The following SPINK2 variants were observed in gnomAD, a reference collection of about 807,000 sequenced individuals.
SPINK2 encodes the protein serine peptidase inhibitor Kazal type 2.
Under a neutral mutation model 13.5 loss-of-function variants are expected in SPINK2, and 8 were observed. That is an observed-to-expected ratio of 0.59 (90% confidence interval 0.35 to 1.07). The LOEUF is 1.07. SPINK2 is among the 50% of genes least tolerant of loss of function. SPINK2 has a pLI of 0.02. For missense variants in SPINK2, 148 were observed against 180.3 expected (o/e 0.82, Z 1.03); for synonymous variants, 76 against 74.7 (o/e 1.02, Z -0.09).
rs1716851203 is a variant in SPINK2 at position 56,810,065 on chromosome 4, A to C, written c.*74T>G. 8 of 1,543,032 alleles carry C rather than the reference A, an allele frequency of 5.2e-6. No homozygotes were observed. The highest frequency in any genetic ancestry group is 2.5e-5 in the South Asian group (2 of 81,004). ...ATGTAAAGAAACACAGGAAAAGAGA[A>C]AAAGGGGAAATGCAATTTATCTAGT... is the stretch of plus-strand genomic sequence containing the variant. On this transcript the variant is annotated 3_prime_UTR_variant, in exon 4 of 4. Coordinates refer to ENST00000506738, the MANE Select transcript of SPINK2 (RefSeq NM_001271718.2).
At chr4:56,813,317 G>A (rs1239854122) in intron 2 of SPINK2, among the ~76,000 whole-genome samples, 1 of 152,032 alleles carries the variant, frequency 6.6e-6, no homozygotes, top group Non-Finnish European at 1.5e-5. Flanking sequence ...CAGCGAAACT[G>A]TCTCAAAAAA....
intron 2 of SPINK2, chr4:56,818,303 C>CA (rs916256882): frequency 2.6e-5 from 4 of 152,172 alleles, no homozygotes; most frequent in African/African-American, 7.2e-5. Flanking sequence ...CACCACTGCA[C>CA]AAAAACCAGC....
intron 2 of SPINK2, among the ~76,000 whole-genome samples, chr4:56,814,122 C>T (rs1207191922): frequency 6.6e-6 from 1 of 151,474 alleles, no homozygotes; most frequent in South Asian, 2.1e-4. Flanking sequence ...CCGGCTTTCA[C>T]CATGTTGGCC....
chr4:56,815,791 CACACACAA>C lies in SPINK2; in HGVS notation c.250-4005_250-3998del, dbSNP rs1256954957. ...ACACACACACACACACACACACACA[CACACACAA>C]AACTATTATTACTAATAAACAAGGC... On this transcript the variant is annotated intron_variant, in intron 2 of 3. Coordinates refer to ENST00000506738, the MANE Select transcript of SPINK2 (RefSeq NM_001271718.2). Among the ~76,000 whole-genome samples the C allele has an allele frequency of 4.2e-3, 623 of 147,984 alleles. 9 individuals are homozygous for C. Among genetic ancestry groups the C allele is most frequent in the African/African-American group, 0.014 (579 of 40,732 alleles).
At chr4:56,814,977 A>C (rs913554758) in intron 2 of SPINK2, among the ~76,000 whole-genome samples, 12 of 150,378 alleles carry the variant, frequency 8.0e-5, no homozygotes, top group Non-Finnish European at 1.6e-4. Flanking sequence ...AAAAAAAAAA[A>C]AAAAAACAAA....
At chr4:56,814,379 G>A (rs969806046) in intron 2 of SPINK2, among the ~76,000 whole-genome samples, 1 of 151,958 alleles carries the variant, frequency 6.6e-6, no homozygotes, top group African/African-American at 2.4e-5. Context: ...TTTCCTGAAA[G>A]GTTCTTATAC....
rs967877057 is a variant in SPINK2, at chr4:56,820,675, T to G, written c.206-96A>C. The stretch of plus-strand genomic sequence containing the variant: ...TTTTTTAAATGAAGTCTTGCTATGT[T>G]GCCCAGGCTGGTCTTGACCTCCCGG... On this transcript the variant is annotated intron_variant, in intron 1 of 3. Coordinates refer to ENST00000506738, the MANE Select transcript of SPINK2 (RefSeq NM_001271718.2). The G allele has an allele frequency of 3.7e-6, 4 of 1,088,826 alleles. No homozygotes were observed. The African/African-American group carries it at 6.4e-5, about 17-fold the overall frequency. 67.4% of individuals were successfully genotyped at this position (1,088,826 alleles called of 1,614,324 possible).
rs115163565 is a variant in SPINK2, at chr4:56,821,685, T to A, written c.-23A>T. On this transcript the variant is annotated 5_prime_UTR_variant, in exon 1 of 4. Transcript: ENST00000506738. ...CATCCTCCTCCCGCGCCGGCTGTCT[T>A]GCCCCTGCGGTCTGTTACCTGCGCC... 0.088 allele frequency: 132,890 copies of A among 1,507,858 alleles called. 11,603 individuals carry two copies. The highest frequency in any genetic ancestry group is 0.34 in the East Asian group (12,688 of 37,746). The allele number at this position is 1,507,858 out of a possible 1,614,324, so 93.4% of individuals were successfully genotyped here.
At chr4:56,819,733 A>G (rs1196719301) in intron 2 of SPINK2, among the ~76,000 whole-genome samples, 3 of 151,140 alleles carry the variant, frequency 2.0e-5, no homozygotes, top group Non-Finnish European at 2.9e-5. Context: ...CTCCTGCCTC[A>G]GCCTTCCCAG....
At chr4:56,811,897 CATTTA>C in intron 2 of SPINK2, 103 bp from the exon 3 acceptor site, 1 of 284,372 alleles carries the variant, frequency 3.5e-6, no homozygotes, top group Non-Finnish European at 6.5e-6. Flanking sequence ...TTCCTAGAAT[CATTTA>C]ATAAAAATAT....
At chr4:56,810,361 C>CT (rs1055694719) in intron 3 of SPINK2, 177 bp from the exon 4 acceptor site, 2 of 622,770 alleles carry the variant, frequency 3.2e-6, no homozygotes, top group African/African-American at 3.8e-5. Context: ...AGTCCCCACT[C>CT]TGTCATTTTT....
chr4:56,815,212 G>A (rs1394412482), intron 2 of SPINK2, among the ~76,000 whole-genome samples: 2 of 151,752 alleles, frequency 1.3e-5, no homozygotes, highest in African/African-American at 4.8e-5. Context: ...AAAATAAAAG[G>A]CATCCATGAA....
chr4:56,820,712 C>T (rs1423227364), intron 1 of SPINK2, 133 bp from the exon 2 acceptor site: 3 of 675,790 alleles, frequency 4.4e-6, no homozygotes, highest in African/African-American at 1.8e-5. Context: ...CTTAAGCGAT[C>T]TTCCTGCCTA....
intron 2 of SPINK2, among the ~76,000 whole-genome samples, chr4:56,815,762 T>TCACACACACACACACA (rs140055216): frequency 2.0e-4 from 29 of 142,968 alleles, no homozygotes; most frequent in Non-Finnish European, 2.9e-4. Context: ...CCTAAGAAAT[T>TCACACACACACACACA]CACACACACA....
At chr4:56,821,361 G>A in intron 1 of SPINK2, 97 bp downstream of exon 1, 1 of 1,403,128 alleles carries the variant, frequency 7.1e-7, no homozygotes, top group Non-Finnish European at 9.2e-7. Context: ...TAGATGGCAG[G>A]TGTCCTTAGA....
chr4:56,820,314 C>A (rs556536870), intron 2 of SPINK2, among the ~76,000 whole-genome samples: 32 of 152,140 alleles, frequency 2.1e-4, no homozygotes, highest in Non-Finnish European at 3.7e-4. Flanking sequence ...TTTCTAAGGA[C>A]CTTTTGAATC....
At chr4:56,814,448 A>G (rs1326751355) in intron 2 of SPINK2, among the ~76,000 whole-genome samples, 2 of 152,052 alleles carry the variant, frequency 1.3e-5, no homozygotes, top group Non-Finnish European at 2.9e-5. Context: ...GACAAAGAAA[A>G]GTTGGATCCT....
At chr4:56,821,827 C>G (rs1163686592), upstream of SPINK2, 1 of 594,584 alleles carries the variant, frequency 1.7e-6, no homozygotes, top group African/African-American at 2.5e-5. Flanking sequence ...GGAAGAGGAG[C>G]GGCGGGAAGA....
Position 56,809,896 on chromosome 4 carries a change from G to A in SPINK2, c.*243C>T, listed in dbSNP as rs1716838905. ...GCTGATTTTATTTCAACTAAATAAAGCAATGCACAAGTCACCTGGGCAGTA... is the reference window on the plus strand; with the variant it reads ...GCTGATTTTATTTCAACTAAATAAAACAATGCACAAGTCACCTGGGCAGTA... On this transcript the variant is annotated 3_prime_UTR_variant, in exon 4 of 4. Transcript: ENST00000506738. The A allele has an allele frequency of 1.1e-6, 1 of 944,436 alleles. No homozygotes were observed. Among genetic ancestry groups the A allele is most frequent in the Non-Finnish European group, 1.5e-6 (1 of 665,934 alleles). The allele number at this position is 944,436 out of a possible 1,614,324, so 58.5% of individuals were successfully genotyped here. A position where few individuals can be genotyped will look rare whatever the true frequency, so the allele number is the denominator to read the frequency against.
Sources: gnomAD v4.1 joint callset for allele counts (sites outside exome capture counted in the v4.1 genomes callset) on GRCh38, gnomAD v4.1.1 for gene constraint, MANE v1.5 for transcripts, NCBI Gene and HGNC (gene_info 2026-07-23, HGNC 2026-07-21) for gene names.